Variants in ENPP6 observed in about 807,000 individuals in gnomAD.
ENPP6 encodes the protein ectonucleotide pyrophosphatase/phosphodiesterase 6.
In ENPP6, 32 loss-of-function variants were observed where a neutral mutation model predicts 42.0. That is an observed-to-expected ratio of 0.76 (90% CI 0.58 to 1.02). ENPP6 has a LOEUF of 1.02. ENPP6 is among the 50% of genes least tolerant of loss of function. The pLI is 0.00. For synonymous variants in ENPP6, 213 were observed against 216.0 expected, an observed-to-expected ratio of 0.99 and a Z score of 0.12; for missense variants, 552 against 566.8, an observed-to-expected ratio of 0.97 and a Z score of 0.27.
chr4:184,139,779 C>G (rs1330678085), intron 2 of ENPP6, among the ~76,000 whole-genome samples: 1 of 72,624 alleles, frequency 1.4e-5, no homozygotes, highest in African/African-American at 5.6e-5. Flanking sequence ...TGGGTTGGTT[C>G]CAAGTCTTTG....
intron 1 of ENPP6, among the ~76,000 whole-genome samples, chr4:184,207,300 A>G (rs11737718): frequency 0.16 from 25,065 of 152,272 alleles, 2,693 homozygotes; most frequent in Non-Finnish European, 0.24. Context: ...AAGTGTTTGA[A>G]AATTGCAAAC....
At chr4:184,157,774 A>ATTTTTTTTTTTTT (rs34358499) in intron 1 of ENPP6, among the ~76,000 whole-genome samples, 45 of 122,258 alleles carry the variant, frequency 3.7e-4, no homozygotes, top group East Asian at 7.2e-4. Context: ...AACTTGGCTA[A>ATTTTTTTTTTTTT]TTTTTTTTTT....
intron 1 of ENPP6, among the ~76,000 whole-genome samples, chr4:184,177,367 T>A (rs990797788): frequency 9.9e-5 from 15 of 152,146 alleles, no homozygotes; most frequent in Non-Finnish European, 2.1e-4. Flanking sequence ...CTGATTTCCT[T>A]GGGATGGAGC....
At chr4:184,191,199 T>C (rs747948578) in intron 1 of ENPP6, among the ~76,000 whole-genome samples, 27 of 152,244 alleles carry the variant, frequency 1.8e-4, no homozygotes, top group Non-Finnish European at 2.8e-4. Context: ...GCACAGGATT[T>C]TGTACTCATA....
At chr4:184,129,291 T>TACAC (rs60982411) in intron 2 of ENPP6, among the ~76,000 whole-genome samples, 2,001 of 145,372 alleles carry the variant, frequency 0.014, 17 homozygotes, top group South Asian at 0.039. Flanking sequence ...CCCCCCAACA[T>TACAC]ACACACACAC....
chr4:184,117,599 G>T (rs549463229), intron 4 of ENPP6, among the ~76,000 whole-genome samples, 160 bp downstream of exon 4: 2 of 152,188 alleles, frequency 1.3e-5, no homozygotes, highest in East Asian at 1.9e-4. Flanking sequence ...ACTTGGTATC[G>T]CAGGAGGCAT....
Position 184,104,581 on chromosome 4 carries a change from C to A in ENPP6, c.994-7213G>T, listed in dbSNP as rs552350333. 4.6e-5 allele frequency among the ~76,000 whole-genome samples: 7 copies of A among 152,304 alleles called. No homozygotes were observed. In the South Asian group the frequency reaches 1.5e-3, roughly 32 times the overall value. On this transcript the variant is annotated intron_variant, in intron 6 of 7. Coordinates refer to ENST00000296741, the MANE Select transcript of ENPP6 (RefSeq NM_153343.4). ...CCCTTGGACTGTAGCTCTGGGTCAACTGAGGTCAGAAGAATTTGTACTTTC... is the reference window on the plus strand; with the variant it reads ...CCCTTGGACTGTAGCTCTGGGTCAAATGAGGTCAGAAGAATTTGTACTTTC...
chr4:184,183,204 C>T (rs1292065155), intron 1 of ENPP6, among the ~76,000 whole-genome samples: 1 of 152,192 alleles, frequency 6.6e-6, no homozygotes. Context: ...TTCATGCTTC[C>T]TATTAGTTCT....
chr4:184,148,184 G>C (rs114488586), intron 2 of ENPP6, among the ~76,000 whole-genome samples: 1,561 of 152,286 alleles, frequency 0.01, 28 homozygotes, highest in South Asian at 0.061. Flanking sequence ...TGCAGGTGAG[G>C]AGGGTCTGTA....
At chr4:184,196,990 G>A (rs1732811058) in intron 1 of ENPP6, among the ~76,000 whole-genome samples, 1 of 152,200 alleles carries the variant, frequency 6.6e-6, no homozygotes, top group African/African-American at 2.4e-5. Flanking sequence ...TGGGGATTGG[G>A]TAAAGTCTCT....
At chr4:184,190,439 C>T (rs1732698800) in intron 1 of ENPP6, among the ~76,000 whole-genome samples, 1 of 152,128 alleles carries the variant, frequency 6.6e-6, no homozygotes, top group African/African-American at 2.4e-5. Context: ...GAGCTGATCT[C>T]CCTCATTTTC....
intron 7 of ENPP6, 117 bp from the exon 8 acceptor site, chr4:184,091,499 G>T: frequency 1.1e-6 from 1 of 932,652 alleles, no homozygotes; most frequent in Non-Finnish European, 1.6e-6. Flanking sequence ...TAGGGAATCA[G>T]CTCCATCAGT....
chr4:184,143,827 A>G (rs1736872190), intron 2 of ENPP6, among the ~76,000 whole-genome samples: 1 of 152,340 alleles, frequency 6.6e-6, no homozygotes, highest in South Asian at 2.1e-4. Flanking sequence ...TTAAAAAAAC[A>G]TCTTCTGCCC....
chr4:184,093,735 C>A (rs1424160415), intron 7 of ENPP6, among the ~76,000 whole-genome samples: 2 of 151,698 alleles, frequency 1.3e-5, no homozygotes, highest in Non-Finnish European at 2.9e-5. Context: ...AGTATCCCAG[C>A]CCCTCTCAGG....
intron 2 of ENPP6, 103 bp from the exon 3 acceptor site, chr4:184,124,375 A>C (rs1379948661): frequency 2.5e-6 from 2 of 812,226 alleles, no homozygotes; most frequent in Non-Finnish European, 2.0e-6. Context: ...ATCAAAAATA[A>C]AAATGTTGAG....
chr4:184,186,914 T>C (rs73009724), intron 1 of ENPP6, among the ~76,000 whole-genome samples: 6,585 of 152,128 alleles, frequency 0.043, 498 homozygotes, highest in African/African-American at 0.15. Flanking sequence ...CCTCCAAAGG[T>C]GAGCCCCACA....
intron 2 of ENPP6, among the ~76,000 whole-genome samples, chr4:184,148,531 C>A (rs1430129096): frequency 6.6e-6 from 1 of 152,312 alleles, no homozygotes; most frequent in East Asian, 1.9e-4. Flanking sequence ...CGCCTAGAAA[C>A]CCTGCAGAAT....
intron 1 of ENPP6, among the ~76,000 whole-genome samples, chr4:184,158,255 A>G (rs1302330269): frequency 6.6e-6 from 1 of 152,254 alleles, no homozygotes; most frequent in Non-Finnish European, 1.5e-5. Flanking sequence ...TTGGACAAGT[A>G]GCTTAGACTC....
rs571967815 is a variant in ENPP6, at chr4:184,188,060, T to C, written c.241+29519A>G. ...TGGATGCTAGAGTCACGATAGATGA[T>C]GTATGGAAGCACAGGCCTCTTGGAG... On this transcript the variant is annotated intron_variant, in intron 1 of 7. Transcript: ENST00000296741. 3.9e-5 allele frequency among the ~76,000 whole-genome samples: 6 copies of C among 152,328 alleles called. No individual in the cohort carries two copies. In the East Asian group the frequency reaches 1.2e-3, roughly 29 times the overall value.
Sources: gnomAD v4.1 joint callset for allele counts (sites outside exome capture counted in the v4.1 genomes callset) on GRCh38, gnomAD v4.1.1 for gene constraint, MANE v1.5 for transcripts, NCBI Gene and HGNC (gene_info 2026-07-23, HGNC 2026-07-21) for gene names.